The following CSMD1 variants were observed in gnomAD, a reference collection of about 807,000 sequenced individuals.
The protein encoded by CSMD1 is CUB and Sushi multiple domains 1, also known as CUB and sushi domain-containing protein 1.
Under a neutral mutation model 417.5 loss-of-function variants are expected in CSMD1, and 213 were observed. The observed-to-expected ratio is 0.51, with a 90% CI of 0.46 to 0.57. CSMD1 has a LOEUF of 0.57. Ranked by LOEUF, CSMD1 falls within the 20% of genes least tolerant of loss-of-function variation. The pLI is 0.00. For missense variants in CSMD1, 6,923 were observed against 4,529.7 expected (o/e 1.53, Z -15.17); for synonymous variants, 2,862 against 1,736.8 (o/e 1.65, Z -16.11).
At chr8:4,529,100 G>C (rs564415089) in intron 2 of CSMD1, among the ~76,000 whole-genome samples, 3 of 152,132 alleles carry the variant, frequency 2.0e-5, no homozygotes, top group East Asian at 1.9e-4. Context: ...TCTCTCTCAT[G>C]AGTAACAAAT....
intron 1 of CSMD1, among the ~76,000 whole-genome samples, chr8:4,723,536 A>G (rs1238378663): frequency 6.6e-6 from 1 of 152,162 alleles, no homozygotes; most frequent in Non-Finnish European, 1.5e-5. Flanking sequence ...CCTGTGCATA[A>G]TAGGAAGAAA....
intron 6 of CSMD1, among the ~76,000 whole-genome samples, chr8:3,714,025 C>CAGATAGATAGATAGATAGAT (rs36006305): frequency 2.6e-4 from 38 of 147,152 alleles, no homozygotes; most frequent in Non-Finnish European, 4.3e-4. Flanking sequence ...GCTCACTATG[C>CAGATAGATAGATAGATAGAT]AGATAGATAG....
At chr8:4,172,629 T>C (rs1302955650) in intron 3 of CSMD1, among the ~76,000 whole-genome samples, 1 of 152,184 alleles carries the variant, frequency 6.6e-6, no homozygotes, top group Non-Finnish European at 1.5e-5. Flanking sequence ...CCTCCTGGTA[T>C]TTATGAACTC....
intron 1 of CSMD1, among the ~76,000 whole-genome samples, chr8:4,656,939 T>G (rs1259125047): frequency 6.6e-6 from 1 of 152,050 alleles, no homozygotes; most frequent in Non-Finnish European, 1.5e-5. Context: ...AAAAGGTGTT[T>G]GTCTTTGCAT....
intron 5 of CSMD1, among the ~76,000 whole-genome samples, chr8:3,774,866 C>T (rs542550961): frequency 1.3e-5 from 2 of 152,256 alleles, no homozygotes; most frequent in Admixed American, 1.3e-4. Flanking sequence ...CCTGAAACCA[C>T]ACAGAGTGCT....
chr8:3,605,044 G>C (rs1234914943), intron 8 of CSMD1, among the ~76,000 whole-genome samples: 1 of 152,158 alleles, frequency 6.6e-6, no homozygotes, highest in Non-Finnish European at 1.5e-5. Flanking sequence ...GTCACTGCTG[G>C]AGTGCAGTGG....
At chr8:4,357,710 A>T (rs1463490234) in intron 3 of CSMD1, among the ~76,000 whole-genome samples, 1 of 152,208 alleles carries the variant, frequency 6.6e-6, no homozygotes, top group Non-Finnish European at 1.5e-5. Context: ...ATCAGAATTA[A>T]TTTGAGATCA....
intron 8 of CSMD1, among the ~76,000 whole-genome samples, 159 bp from the exon 9 acceptor site, chr8:3,586,419 T>G (rs1449771939): frequency 6.6e-6 from 1 of 152,112 alleles, no homozygotes; most frequent in African/African-American, 2.4e-5. Context: ...GAGGCAACCC[T>G]GTAATTTAGC....
chr8:4,459,069 A>C (rs1799654985), intron 2 of CSMD1, among the ~76,000 whole-genome samples: 1 of 152,136 alleles, frequency 6.6e-6, no homozygotes, highest in South Asian at 2.1e-4. Context: ...GGAAAACTAG[A>C]TTCTCTCTAC....
At chr8:3,153,706 C>T (rs1003763235) in intron 39 of CSMD1, among the ~76,000 whole-genome samples, 7 of 152,136 alleles carry the variant, frequency 4.6e-5, no homozygotes, top group Admixed American at 6.5e-5. Context: ...AGGGGCTGGC[C>T]CAGGACCTCA....
chr8:4,261,639 G>A (rs1293287304), intron 3 of CSMD1, among the ~76,000 whole-genome samples: 2 of 151,974 alleles, frequency 1.3e-5, no homozygotes, highest in East Asian at 3.9e-4. Flanking sequence ...TGAACTCCTA[G>A]GCTCAGGCAA....
At position 3,399,497 on chromosome 8, in the gene CSMD1, C is replaced by T. The variant is rs1811908908; in HGVS notation, c.2299G>A (p.Gly767Arg). Residue 767 changes from glycine (G) to arginine (R), a missense_variant, in exon 16 of 70, where the codon GGA becomes AGA. Physicochemically the swap from Gly to Arg is moderately radical, Grantham distance 125. Transcript: ENST00000635120. ...PCGGHLTASS[G>R]VILPPGWPGY... ...GGCCATCCAGGAGGCAAAATGACTC[C>T]GCTGGACGCTGTCAGATGTCCACCA... 8 of 1,604,978 alleles carry T rather than the reference C, an allele frequency of 5.0e-6. No individual in the cohort carries two copies. Among genetic ancestry groups the T allele is most frequent in the Non-Finnish European group, 5.1e-6 (6 of 1,176,072 alleles).
chr8:3,694,301 G>A (rs990065568), intron 7 of CSMD1, among the ~76,000 whole-genome samples: 2 of 151,988 alleles, frequency 1.3e-5, no homozygotes, highest in African/African-American at 4.8e-5. Context: ...CCTAGACGTC[G>A]GCTTCCAGGA....
intron 25 of CSMD1, among the ~76,000 whole-genome samples, chr8:3,298,558 ATTC>A (rs1419945611): frequency 1.3e-5 from 2 of 152,168 alleles, no homozygotes; most frequent in African/African-American, 4.8e-5. Context: ...GGCTCAAGCA[ATTC>A]TTCTGCCTCA....
At position 4,820,183 on chromosome 8, in the gene CSMD1, G is replaced by A. The variant is rs113538792; in HGVS notation, c.85+174149C>T. Among the ~76,000 whole-genome samples the A allele has an allele frequency of 7.1e-3, 1,074 of 152,078 alleles. 8 individuals carry two copies. Among genetic ancestry groups the A allele is most frequent in the African/African-American group, 0.025 (1,044 of 41,448 alleles). The stretch of plus-strand genomic sequence containing the variant: ...GAGCTACTCAACAAGCTGCATTTAG[G>A]CAGCATCCTCTCTTGGCCTGGACAG... On this transcript the variant is annotated intron_variant, in intron 1 of 69. Transcript: ENST00000635120.
intron 1 of CSMD1, among the ~76,000 whole-genome samples, chr8:4,986,604 A>AT (rs1811191394): frequency 6.6e-6 from 1 of 152,208 alleles, no homozygotes; most frequent in South Asian, 2.1e-4. Flanking sequence ...AAAAGAAAAA[A>AT]AATAATTCAC....
At chr8:4,569,750 T>A (rs1003443300) in intron 2 of CSMD1, among the ~76,000 whole-genome samples, 20 of 152,230 alleles carry the variant, frequency 1.3e-4, no homozygotes, top group Admixed American at 6.5e-4. Flanking sequence ...ATTTTCACAA[T>A]ATTGATTCTT....
rs140521619 is a variant in CSMD1 at position 4,554,867 on chromosome 8, G to C, written c.302+82475C>G. 4.0e-3 allele frequency among the ~76,000 whole-genome samples: 603 copies of C among 152,264 alleles called. 4 individuals are homozygous for C. Among genetic ancestry groups the C allele is most frequent in the African/African-American group, 0.014 (565 of 41,562 alleles). ...GGTTAAAAGCTGAAGATAAATAGAA[G>C]GTTGCCAGGCCCAGGTGGTGATGAT... is the stretch of plus-strand genomic sequence containing the variant. On this transcript the variant is annotated intron_variant, in intron 2 of 69. Coordinates refer to ENST00000635120, the MANE Select transcript of CSMD1 (RefSeq NM_033225.6).
chr8:4,988,743 A>C (rs1396682611), intron 1 of CSMD1, among the ~76,000 whole-genome samples: 1 of 152,242 alleles, frequency 6.6e-6, no homozygotes, highest in East Asian at 1.9e-4. Flanking sequence ...ACAGGTTGAT[A>C]CAAATGGTTT....
Sources: gnomAD v4.1 joint callset for allele counts (sites outside exome capture counted in the v4.1 genomes callset) on GRCh38, gnomAD v4.1.1 for gene constraint, MANE v1.5 for transcripts, NCBI Gene and HGNC (gene_info 2026-07-23, HGNC 2026-07-21) for gene names.